Variants in SEMA5A observed in about 807,000 individuals in gnomAD.
The protein encoded by SEMA5A is semaphorin 5A.
SEMA5A carries 55 observed loss-of-function variants against 135.5 expected under a neutral mutation model. That is an observed-to-expected ratio of 0.41 (90% CI 0.33 to 0.51). The LOEUF (loss-of-function observed/expected upper bound fraction) is 0.51. SEMA5A is among the 20% of genes least tolerant of loss of function. The pLI is 0.37. For synonymous variants in SEMA5A, 580 were observed against 546.5 expected, an observed-to-expected ratio of 1.06 and a Z score of -0.85; for missense variants, 1,290 against 1,419.9, an observed-to-expected ratio of 0.91 and a Z score of 1.47.
At chr5:9,249,174 T>C (rs1250444739) in intron 5 of SEMA5A, among the ~76,000 whole-genome samples, 7 of 152,314 alleles carry the variant, frequency 4.6e-5, no homozygotes, top group Middle Eastern at 3.4e-3. Context: ...TGAGAAAGCC[T>C]AGACACAGGA....
chr5:9,201,892 G>T, intron 9 of SEMA5A, 63 bp downstream of exon 9: 1 of 1,479,668 alleles, frequency 6.8e-7, no homozygotes, highest in Non-Finnish European at 9.2e-7. Context: ...AGAGGTCAAA[G>T]AACAGAAGAC....
chr5:9,529,797 G>A (rs1737343297), intron 1 of SEMA5A, among the ~76,000 whole-genome samples: 2 of 152,162 alleles, frequency 1.3e-5, no homozygotes, highest in Admixed American at 6.5e-5. Flanking sequence ...GAGGGTGGGG[G>A]TAGGAAGTGT....
At position 9,271,738 on chromosome 5, in the gene SEMA5A, G is replaced by A. The variant is rs570315413; in HGVS notation, c.271-33848C>T. ...AACCCAAGGAGGGCAAGCCAAAGCA[G>A]GGTGGGGCATCACTTCACCCGGGAA... On this transcript the variant is annotated intron_variant, in intron 5 of 22. Coordinates refer to ENST00000382496, the MANE Select transcript of SEMA5A (RefSeq NM_003966.3). Among the ~76,000 whole-genome samples the A allele has an allele frequency of 3.9e-5, 6 of 152,300 alleles. No homozygotes were observed. The South Asian group carries it at 1.2e-3, about 32-fold the overall frequency.
At chr5:9,047,065 C>G (rs1190267101) in intron 21 of SEMA5A, among the ~76,000 whole-genome samples, 1 of 152,186 alleles carries the variant, frequency 6.6e-6, no homozygotes, top group Non-Finnish European at 1.5e-5. Flanking sequence ...GGACATTTCA[C>G]CAGCAGCCAC....
chr5:9,096,916 A>G (rs1375749256), intron 16 of SEMA5A, among the ~76,000 whole-genome samples: 1 of 152,116 alleles, frequency 6.6e-6, no homozygotes, highest in Non-Finnish European at 1.5e-5. Flanking sequence ...CTGTTAGGAC[A>G]GGTACTCTCT....
chr5:9,218,897 C>T (rs1746778222), intron 8 of SEMA5A, among the ~76,000 whole-genome samples: 1 of 152,242 alleles, frequency 6.6e-6, no homozygotes, highest in Non-Finnish European at 1.5e-5. Flanking sequence ...TATTAACTCC[C>T]TACTACATCT....
chr5:9,329,616 G>A (rs1407278155), intron 4 of SEMA5A, among the ~76,000 whole-genome samples: 3 of 152,210 alleles, frequency 2.0e-5, no homozygotes, highest in Non-Finnish European at 2.9e-5. Flanking sequence ...TGTGGACCTG[G>A]TAGGAGAAAA....
At chr5:9,401,505 C>T (rs151246429) in intron 2 of SEMA5A, among the ~76,000 whole-genome samples, 5 of 152,300 alleles carry the variant, frequency 3.3e-5, no homozygotes, top group African/African-American at 1.2e-4. Context: ...GACTCAGCAT[C>T]CCCGTGTGGT....
In SEMA5A at chr5:9,353,098, G is replaced by A. The variant is rs1241744608; in HGVS notation, c.125-15286C>T. Among the ~76,000 whole-genome samples, 8 of 21,792 alleles carry A rather than the reference G, an allele frequency of 3.7e-4. 1 individual carries two copies. The highest frequency in any genetic ancestry group is 3.4e-3 in the East Asian group (3 of 890). The allele number at this position is 21,792 out of a possible 152,430, so 14.3% of individuals were successfully genotyped here. The stretch of plus-strand genomic sequence containing the variant: ...GGAAAGGAAAGGAAAGGAAAGGAAG[G>A]AAGGAAAGGAAAGGAAAGGAAAGGA... On this transcript the variant is annotated intron_variant, in intron 3 of 22. Coordinates refer to ENST00000382496, the MANE Select transcript of SEMA5A (RefSeq NM_003966.3).
At chr5:9,096,554 C>CTGTGTGTGTGTGTGTG (rs56202626) in intron 16 of SEMA5A, among the ~76,000 whole-genome samples, 26 of 144,516 alleles carry the variant, frequency 1.8e-4, no homozygotes, top group South Asian at 6.7e-4. Context: ...TAATATTCCA[C>CTGTGTGTGTGTGTGTG]TGTGTGTGTG....
rs529549483 is a variant in SEMA5A at position 9,428,695 on chromosome 5, C to T, written c.-78+9061G>A. Reference sequence around the variant, plus strand: ...AGTAAAATGAATGGCCCCAGCTGGACAATATGGGGACAGTCTATAATGGCT... The same window carrying T: ...AGTAAAATGAATGGCCCCAGCTGGATAATATGGGGACAGTCTATAATGGCT... On this transcript the variant is annotated intron_variant, in intron 2 of 22. Coordinates refer to ENST00000382496, the MANE Select transcript of SEMA5A (RefSeq NM_003966.3). 1.5e-3 allele frequency among the ~76,000 whole-genome samples: 224 copies of T among 152,130 alleles called. 2 individuals are homozygous for T. Among genetic ancestry groups the T allele is most frequent in the African/African-American group, 5.1e-3 (212 of 41,500 alleles).
intron 16 of SEMA5A, among the ~76,000 whole-genome samples, chr5:9,070,941 G>A (rs1157853756): frequency 6.6e-6 from 1 of 152,142 alleles, no homozygotes; most frequent in Admixed American, 6.5e-5. Flanking sequence ...GAATATGTAT[G>A]TTACAATTTA....
At chr5:9,269,086 A>G (rs1000876446) in intron 5 of SEMA5A, among the ~76,000 whole-genome samples, 4 of 152,126 alleles carry the variant, frequency 2.6e-5, no homozygotes, top group African/African-American at 7.2e-5. Flanking sequence ...CACACAGCAC[A>G]TGTGGTGGGG....
At position 9,203,840 on chromosome 5, in the gene SEMA5A, A is replaced by G. The variant is rs939183231; in HGVS notation, c.647-1600T>C. Among the ~76,000 whole-genome samples the G allele has an allele frequency of 5.9e-5, 9 of 152,348 alleles. No homozygotes were observed. The East Asian group carries it at 7.7e-4, about 13-fold the overall frequency. On this transcript the variant is annotated intron_variant, in intron 8 of 22. Coordinates refer to ENST00000382496, the MANE Select transcript of SEMA5A (RefSeq NM_003966.3). ...CTGTTTAAAAAAAAACTTGAATTGCATAACATTGTAAAAGATGGAGGTTAG... is the reference window on the plus strand; with the variant it reads ...CTGTTTAAAAAAAAACTTGAATTGCGTAACATTGTAAAAGATGGAGGTTAG...
chr5:9,491,428 G>A (rs942637152), intron 1 of SEMA5A, among the ~76,000 whole-genome samples: 3 of 152,042 alleles, frequency 2.0e-5, no homozygotes, highest in African/African-American at 7.2e-5. Flanking sequence ...TAGGTTGATC[G>A]ATTGCCCCAC....
Position 9,160,127 on chromosome 5 carries a change from C to G in SEMA5A, c.1274-5432G>C, listed in dbSNP as rs147602240. Among the ~76,000 whole-genome samples, 252 of 152,206 alleles carry G rather than the reference C, an allele frequency of 1.7e-3. 5 individuals carry two copies. In the East Asian group the frequency reaches 0.044, roughly 27 times the overall value. ...ACAAACCACCATGGCACACATATAC[C>G]TATGTAACAAATCTGCACATTCTGC... On this transcript the variant is annotated intron_variant, in intron 11 of 22. Transcript: ENST00000382496.
At chr5:9,160,233 T>C (rs185237361) in intron 11 of SEMA5A, among the ~76,000 whole-genome samples, 1 of 152,246 alleles carries the variant, frequency 6.6e-6, no homozygotes, top group Admixed American at 6.5e-5. Flanking sequence ...TTGGAAGACT[T>C]TGTCTGTCAT....
intron 1 of SEMA5A, among the ~76,000 whole-genome samples, chr5:9,503,073 A>T (rs1393870948): frequency 1.3e-5 from 2 of 152,210 alleles, no homozygotes; most frequent in Non-Finnish European, 2.9e-5. Flanking sequence ...TAAAGCTGTC[A>T]GTGAAAGGAA....
rs938656554 is a variant in SEMA5A, at chr5:9,097,746, G to A, written c.2073+10394C>T. 2.6e-5 allele frequency among the ~76,000 whole-genome samples: 4 copies of A among 152,134 alleles called. No homozygotes were observed. The East Asian group carries it at 7.7e-4, about 29-fold the overall frequency. On this transcript the variant is annotated intron_variant, in intron 16 of 22. Coordinates refer to ENST00000382496, the MANE Select transcript of SEMA5A (RefSeq NM_003966.3). ...GCCATATGGCATGGAATGTCTCCTG[G>A]AACCATGGCCCAGCCTGTACAACAA...
Sources: gnomAD v4.1 joint callset for allele counts (sites outside exome capture counted in the v4.1 genomes callset) on GRCh38, gnomAD v4.1.1 for gene constraint, MANE v1.5 for transcripts, NCBI Gene and HGNC (gene_info 2026-07-23, HGNC 2026-07-21) for gene names.